The following TANK variants were observed in gnomAD, a reference collection of about 807,000 sequenced individuals.
The protein encoded by TANK is TRAF family member associated NFKB activator, also known as TRAF family member-associated NF-kappa-B activator.
Under a neutral mutation model 43.6 loss-of-function variants are expected in TANK, and 15 were observed. The ratio of observed to expected loss-of-function variants is 0.34; its 90% CI spans 0.23 to 0.53. TANK has a LOEUF of 0.53. Ranked by LOEUF, TANK falls within the 20% of genes least tolerant of loss-of-function variation. The probability of loss-of-function intolerance (pLI) is 0.94; values close to 1 mark genes in which losing one functional copy is unlikely to be tolerated. For missense variants in TANK, 417 were observed against 498.6 expected (o/e 0.84, Z 1.56); for synonymous variants, 162 against 178.2 (o/e 0.91, Z 0.73).
chr2:161,217,550 C>T (rs1438140736), intron 4 of TANK, among the ~76,000 whole-genome samples: 2 of 149,728 alleles, frequency 1.3e-5, no homozygotes, highest in African/African-American at 2.5e-5. Context: ...CCAATATATG[C>T]AAAGTTCAGT....
At chr2:161,207,832 C>G (rs1686715063) in intron 4 of TANK, 12 of 985,196 alleles carry the variant, frequency 1.2e-5, no homozygotes, top group Non-Finnish European at 1.4e-5. Flanking sequence ...AGTATGCACC[C>G]ACATGGATGA....
intron 2 of TANK, among the ~76,000 whole-genome samples, chr2:161,190,373 AT>A (rs1352508808): frequency 6.6e-6 from 1 of 152,190 alleles, no homozygotes; most frequent in Non-Finnish European, 1.5e-5. Flanking sequence ...TAATGCAGCC[AT>A]TGTGGAAAAT....
At chr2:161,190,476 GCAAGGACT>G (rs1202291785) in intron 2 of TANK, among the ~76,000 whole-genome samples, 2 of 152,146 alleles carry the variant, frequency 1.3e-5, no homozygotes, top group African/African-American at 4.8e-5. Context: ...AGAAGTGATA[GCAAGGACT>G]CAATTGGATA....
At chr2:161,175,288 A>G (rs1685127834) in intron 1 of TANK, among the ~76,000 whole-genome samples, 1 of 152,192 alleles carries the variant, frequency 6.6e-6, no homozygotes, top group South Asian at 2.1e-4. Context: ...AGCTGACTCT[A>G]ATGAACAATC....
intron 4 of TANK, among the ~76,000 whole-genome samples, chr2:161,217,047 T>A (rs1226423071): frequency 2.0e-5 from 3 of 152,220 alleles, no homozygotes; most frequent in African/African-American, 7.2e-5. Flanking sequence ...AGGAGTGCAT[T>A]CATTGGGTCA....
chr2:161,182,464 A>G (rs1685472214), intron 2 of TANK, among the ~76,000 whole-genome samples: 3 of 152,120 alleles, frequency 2.0e-5, no homozygotes, highest in South Asian at 4.1e-4. Flanking sequence ...AGGGGAACCA[A>G]TACTTACTTG....
intron 4 of TANK, chr2:161,219,801 G>T (rs901430505): frequency 2.3e-6 from 1 of 435,902 alleles, no homozygotes; most frequent in Non-Finnish European, 4.6e-6. Flanking sequence ...TTCAACCTCA[G>T]TTCCTCCTTT....
At chr2:161,193,136 G>A (rs1408258441) in intron 2 of TANK, among the ~76,000 whole-genome samples, 1 of 152,138 alleles carries the variant, frequency 6.6e-6, no homozygotes, top group African/African-American at 2.4e-5. Context: ...TTAAAAGATA[G>A]AGCATTCACT....
intron 2 of TANK, among the ~76,000 whole-genome samples, chr2:161,201,626 G>T (rs977834792): frequency 2.6e-5 from 4 of 152,152 alleles, no homozygotes; most frequent in African/African-American, 9.7e-5. Context: ...TTTAATTAGC[G>T]CAGAAATATA....
chr2:161,176,152 G>A (rs187207345), intron 1 of TANK, among the ~76,000 whole-genome samples: 5 of 152,202 alleles, frequency 3.3e-5, no homozygotes, highest in East Asian at 1.9e-4. Flanking sequence ...CAAATATTGT[G>A]GAAGATGTAC....
intron 1 of TANK, among the ~76,000 whole-genome samples, chr2:161,145,693 T>C (rs1168183026): frequency 6.6e-6 from 1 of 151,998 alleles, no homozygotes; most frequent in African/African-American, 2.4e-5. Context: ...AGAGGTTCAC[T>C]GTTAGTCTGA....
At chr2:161,233,582 C>T (rs891010505) in intron 7 of TANK, among the ~76,000 whole-genome samples, 21 of 151,894 alleles carry the variant, frequency 1.4e-4, no homozygotes, top group Middle Eastern at 3.2e-3. Context: ...TATTATTGTT[C>T]TATGTGATTT....
At chr2:161,190,735 C>T (rs1473971999) in intron 2 of TANK, among the ~76,000 whole-genome samples, 4 of 152,028 alleles carry the variant, frequency 2.6e-5, no homozygotes, top group African/African-American at 7.2e-5. Flanking sequence ...TTATGTGAGA[C>T]ACTAAGAATA....
upstream of TANK, among the ~76,000 whole-genome samples, chr2:161,157,516 T>C (rs1684258494): frequency 6.6e-6 from 1 of 152,222 alleles, no homozygotes; most frequent in South Asian, 2.1e-4. Context: ...GATGTCATCG[T>C]AAATCAGAAG....
intron 7 of TANK, 107 bp from the exon 8 acceptor site, chr2:161,235,235 A>C: frequency 1.1e-6 from 1 of 929,690 alleles, no homozygotes; most frequent in Non-Finnish European, 1.6e-6. Context: ...ATATTAGGGA[A>C]TTCAATATAT....
intron 4 of TANK, chr2:161,212,136 C>T: frequency 2.6e-6 from 1 of 382,522 alleles, no homozygotes; most frequent in African/African-American, 2.2e-5. Flanking sequence ...TCTCGGCTCA[C>T]TGCAACCTCC....
At chr2:161,204,471 G>A (rs190833547) in intron 3 of TANK, among the ~76,000 whole-genome samples, 2 of 152,284 alleles carry the variant, frequency 1.3e-5, no homozygotes, top group East Asian at 3.8e-4. Flanking sequence ...TTGGAGAGCA[G>A]GGGTTTTGTG....
At chr2:161,144,985 A>G (rs930175600) in intron 1 of TANK, among the ~76,000 whole-genome samples, 1 of 152,004 alleles carries the variant, frequency 6.6e-6, no homozygotes, top group Non-Finnish European at 1.5e-5. Flanking sequence ...GTGCTCCTGT[A>G]TTGGGTGCAT....
intron 6 of TANK, among the ~76,000 whole-genome samples, chr2:161,229,301 G>T (rs768238459): frequency 6.6e-6 from 1 of 152,234 alleles, no homozygotes; most frequent in Non-Finnish European, 1.5e-5. Context: ...CCAGGGGCCA[G>T]TCATGAACAG....
Sources: allele counts gnomAD v4.1 joint callset (sites outside exome capture counted in the v4.1 genomes callset), GRCh38; gene constraint gnomAD v4.1.1; transcripts MANE v1.5; gene names NCBI Gene and HGNC (gene_info 2026-07-23, HGNC 2026-07-21).